RNF150: variants seen among roughly 807,000 people sequenced by gnomAD.
The protein encoded by RNF150 is ring finger protein 150.
RNF150 carries 24 observed loss-of-function variants against 39.3 expected under a neutral mutation model. That is an observed-to-expected ratio of 0.61 (90% CI 0.44 to 0.86). The LOEUF (loss-of-function observed/expected upper bound fraction) is 0.86. Among genes scored for constraint, RNF150 ranks in the 40% least tolerant of loss-of-function variants. The probability of loss-of-function intolerance (pLI) is 0.00; values close to 1 mark genes in which losing one functional copy is unlikely to be tolerated. For missense variants in RNF150, 502 were observed against 587.8 expected (o/e 0.85, Z 1.51); for synonymous variants, 255 against 227.3 (o/e 1.12, Z -1.10).
At chr4:141,102,876 G>A (rs550035580) in intron 1 of RNF150, among the ~76,000 whole-genome samples, 113 of 152,308 alleles carry the variant, frequency 7.4e-4, no homozygotes, top group Middle Eastern at 3.4e-3. Flanking sequence ...TGTTACTACC[G>A]TGGGTCTTCA....
chr4:140,911,924 GA>G (rs869248944), intron 5 of RNF150, among the ~76,000 whole-genome samples: 2 of 121,408 alleles, frequency 1.6e-5, no homozygotes, highest in Non-Finnish European at 1.7e-5. Flanking sequence ...GCCAGCTATA[GA>G]AAAATATCCC....
intron 6 of RNF150, among the ~76,000 whole-genome samples, chr4:140,877,187 T>C (rs937571912): frequency 6.6e-6 from 1 of 152,236 alleles, no homozygotes; most frequent in Non-Finnish European, 1.5e-5. Flanking sequence ...CTGATTTCCT[T>C]GGCAGTTCAT....
At chr4:141,111,079 C>A (rs1184958154) in intron 1 of RNF150, among the ~76,000 whole-genome samples, 1 of 152,092 alleles carries the variant, frequency 6.6e-6, no homozygotes, top group Admixed American at 6.6e-5. Context: ...AATTACACAG[C>A]CCTCACAGCT....
chr4:141,029,527 A>G (rs1735843944), intron 1 of RNF150, among the ~76,000 whole-genome samples: 1 of 152,216 alleles, frequency 6.6e-6, no homozygotes. Context: ...TTTAGTGTAC[A>G]AACAAGTTGA....
intron 1 of RNF150, among the ~76,000 whole-genome samples, chr4:141,211,591 AT>A (rs1728466506): frequency 6.6e-6 from 1 of 152,100 alleles, no homozygotes; most frequent in African/African-American, 2.4e-5. Flanking sequence ...ACTAAGGGTT[AT>A]TTATACATTG....
At chr4:140,977,710 T>A (rs1004547161) in intron 1 of RNF150, among the ~76,000 whole-genome samples, 1 of 152,214 alleles carries the variant, frequency 6.6e-6, no homozygotes, top group African/African-American at 2.4e-5. Context: ...AGGTGGTCTA[T>A]AATTTAATTT....
chr4:140,967,488 T>G, intron 2 of RNF150, 135 bp downstream of exon 2: 1 of 655,714 alleles, frequency 1.5e-6, no homozygotes, highest in South Asian at 2.1e-5. Context: ...TGAAAAATGA[T>G]ACAGCAAATG....
At chr4:141,044,321 T>C (rs1736479588) in intron 1 of RNF150, among the ~76,000 whole-genome samples, 1 of 152,206 alleles carries the variant, frequency 6.6e-6, no homozygotes, top group Admixed American at 6.5e-5. Flanking sequence ...TGAACAGAAC[T>C]GAGTTCAGTG....
At chr4:141,064,857 C>T (rs935058398) in intron 1 of RNF150, among the ~76,000 whole-genome samples, 7 of 151,986 alleles carry the variant, frequency 4.6e-5, no homozygotes, top group Non-Finnish European at 1.0e-4. Flanking sequence ...AACAGCCTGA[C>T]AATTTTTGTT....
intron 5 of RNF150, 101 bp from the exon 6 acceptor site, chr4:140,911,455 T>C: frequency 1.1e-6 from 1 of 944,206 alleles, no homozygotes. Context: ...AATTAAGTTC[T>C]TTATTGTTTA....
chr4:141,065,262 G>T (rs1241170522), intron 1 of RNF150, among the ~76,000 whole-genome samples: 1 of 152,162 alleles, frequency 6.6e-6, no homozygotes, highest in Non-Finnish European at 1.5e-5. Flanking sequence ...TACGTCCTGG[G>T]TTACTATCTA....
chr4:140,866,102 C>T lies in RNF150; in HGVS notation c.*2159G>A, dbSNP rs1017448186. On this transcript the variant is annotated 3_prime_UTR_variant, in exon 7 of 7. Coordinates refer to ENST00000515673, the MANE Select transcript of RNF150 (RefSeq NM_020724.2). ...ACAGCAATTTTTAAACAAGGCAAAA[C>T]AAACCAACTCCTACTTGGACTTAAA... 6.6e-6 allele frequency: 1 copy of T among 152,198 alleles called. No individual in the cohort carries two copies. Among genetic ancestry groups the T allele is most frequent in the Non-Finnish European group, 1.5e-5 (1 of 68,030 alleles). 9.4% of individuals were successfully genotyped at this position (152,198 alleles called of 1,614,324 possible). A position where few individuals can be genotyped will look rare whatever the true frequency, so the allele number is the denominator to read the frequency against.
chr4:140,879,943 C>G (rs984229318), intron 6 of RNF150, among the ~76,000 whole-genome samples: 1 of 152,118 alleles, frequency 6.6e-6, no homozygotes, highest in African/African-American at 2.4e-5. Flanking sequence ...ATTTTGTGAA[C>G]AGAGATAATT....
At chr4:140,984,251 T>C (rs1311533660) in intron 1 of RNF150, among the ~76,000 whole-genome samples, 1 of 152,090 alleles carries the variant, frequency 6.6e-6, no homozygotes, top group East Asian at 1.9e-4. Flanking sequence ...AGATAAAAAA[T>C]GGGCCTCTTA....
chr4:141,137,118 T>C (rs1207112574), upstream of RNF150, among the ~76,000 whole-genome samples: 1 of 152,140 alleles, frequency 6.6e-6, no homozygotes, highest in Non-Finnish European at 1.5e-5. Flanking sequence ...AGGATGGAGA[T>C]GAAAGTAGAA....
intron 1 of RNF150, among the ~76,000 whole-genome samples, chr4:141,112,826 C>G (rs1053299807): frequency 2.0e-5 from 3 of 152,100 alleles, no homozygotes; most frequent in Admixed American, 1.3e-4. Flanking sequence ...TATTTTCCAA[C>G]TTGGTTTCAT....
chr4:141,145,689 G>GA (rs1167115176), intron 1 of RNF150, among the ~76,000 whole-genome samples: 1 of 152,158 alleles, frequency 6.6e-6, no homozygotes, highest in Non-Finnish European at 1.5e-5. Flanking sequence ...AAAAGAAAAA[G>GA]AAAATCTCAT....
chr4:140,940,076 A>G (rs1248298493), intron 4 of RNF150, among the ~76,000 whole-genome samples: 2 of 152,150 alleles, frequency 1.3e-5, no homozygotes, highest in African/African-American at 2.4e-5. Flanking sequence ...AACCCCTCAC[A>G]GTGGGTGCTC....
chr4:141,206,734 G>A (rs1264956146), intron 1 of RNF150, among the ~76,000 whole-genome samples: 1 of 152,004 alleles, frequency 6.6e-6, no homozygotes. Context: ...ATATATGAAA[G>A]TGAGTTTATT....
Sources: gnomAD v4.1 joint callset for allele counts (sites outside exome capture counted in the v4.1 genomes callset) on GRCh38, gnomAD v4.1.1 for gene constraint, MANE v1.5 for transcripts, NCBI Gene and HGNC (gene_info 2026-07-23, HGNC 2026-07-21) for gene names.